The following HCRTR2 variants were observed in gnomAD, a reference collection of about 807,000 sequenced individuals.
HCRTR2 encodes hypocretin receptor 2.
HCRTR2 carries 22 observed loss-of-function variants against 49.0 expected under a neutral mutation model. The ratio of observed to expected loss-of-function variants is 0.45; its 90% CI spans 0.32 to 0.64. The LOEUF is 0.64. Among genes scored for constraint, HCRTR2 ranks in the 30% least tolerant of loss-of-function variants. The pLI is 0.04. For synonymous variants in HCRTR2, 236 were observed against 205.3 expected (o/e 1.15, Z -1.28); for missense variants, 491 against 559.4 (o/e 0.88, Z 1.23).
At chr6:55,153,130 C>G (rs1764685015) in intron 1 of HCRTR2, among the ~76,000 whole-genome samples, 2 of 151,976 alleles carry the variant, frequency 1.3e-5, no homozygotes, top group African/African-American at 2.4e-5. Context: ...GTTTTCACAG[C>G]ACTGCTTGTT....
At chr6:55,206,042 G>A (rs1765595341) in intron 1 of HCRTR2, among the ~76,000 whole-genome samples, 2 of 151,934 alleles carry the variant, frequency 1.3e-5, no homozygotes, top group African/African-American at 2.4e-5. Flanking sequence ...AATGTTTACT[G>A]ACTCTTTTAT....
chr6:55,185,759 C>A (rs1021336718), intron 1 of HCRTR2, among the ~76,000 whole-genome samples: 1 of 152,106 alleles, frequency 6.6e-6, no homozygotes, highest in African/African-American at 2.4e-5. Context: ...TGAATAAGTC[C>A]TTGAATTAAC....
At chr6:55,115,654 G>A (rs978024030) in intron 1 of HCRTR2, among the ~76,000 whole-genome samples, 1 of 151,466 alleles carries the variant, frequency 6.6e-6, no homozygotes, top group Admixed American at 6.6e-5. Flanking sequence ...TGTTGTTATT[G>A]TTATTCCATA....
At chr6:55,270,491 A>G (rs1160983088) in intron 4 of HCRTR2, among the ~76,000 whole-genome samples, 1 of 152,190 alleles carries the variant, frequency 6.6e-6, no homozygotes, top group Non-Finnish European at 1.5e-5. Flanking sequence ...CATGTAGTAC[A>G]GGTTAAGCAT....
In HCRTR2 at chr6:55,174,618, C is replaced by A. The variant is rs41271312; in HGVS notation, c.31C>A (p.Pro11Thr). The change falls in exon 1 of 7, where the codon CCT becomes ACT. Residue 11 changes from proline (P) to threonine (T), a missense_variant. Coordinates refer to ENST00000370862, the MANE Select transcript of HCRTR2 (RefSeq NM_001384272.1). Reference protein sequence around the residue: MSGTKLEDSPPCRNWSSASEL... With the variant: MSGTKLEDSPTCRNWSSASEL... ...CGGCACCAAATTGGAGGACTCCCCC[C>A]CTTGTCGCAACTGGTCATCTGCTTC... The A allele has an allele frequency of 7.2e-3, 11,586 of 1,614,056 alleles. 49 individuals carry two copies. The highest frequency in any genetic ancestry group is 8.8e-3 in the Non-Finnish European group (10,347 of 1,179,970).
At chr6:55,274,756 A>G (rs1289051239) in intron 4 of HCRTR2, among the ~76,000 whole-genome samples, 1 of 152,282 alleles carries the variant, frequency 6.6e-6, no homozygotes, top group East Asian at 1.9e-4. Flanking sequence ...ACATATTTTT[A>G]AAGAGATTTT....
intron 1 of HCRTR2, among the ~76,000 whole-genome samples, chr6:55,210,824 C>A (rs1160503514): frequency 1.3e-5 from 2 of 152,110 alleles, no homozygotes; most frequent in East Asian, 3.9e-4. Flanking sequence ...TGGGTACAAT[C>A]TGATTTTATT....
intron 1 of HCRTR2, among the ~76,000 whole-genome samples, chr6:55,146,598 T>C (rs1404275927): frequency 3.5e-5 from 4 of 113,994 alleles, no homozygotes; most frequent in Admixed American, 2.7e-4. Context: ...AAAAACAAGC[T>C]TTTTTTTTCT....
At position 55,228,573 on chromosome 6, in the gene HCRTR2, T is replaced by C. The variant is rs545720253; in HGVS notation, c.224-20066T>C. Among the ~76,000 whole-genome samples the C allele has an allele frequency of 5.9e-5, 9 of 152,272 alleles. 1 individual carries two copies. The South Asian group carries it at 1.9e-3, about 32-fold the overall frequency. ...TCAATAATAATGTCAGTAGACATTC[T>C]AAATAAATAAAAAATATCCAATAAC... On this transcript the variant is annotated intron_variant, in intron 1 of 6. Transcript: ENST00000370862.
At chr6:55,110,978 A>G (rs1764041265) in intron 1 of HCRTR2, among the ~76,000 whole-genome samples, 1 of 152,130 alleles carries the variant, frequency 6.6e-6, no homozygotes, top group Non-Finnish European at 1.5e-5. Context: ...ATAGGTCACT[A>G]AACAAGTTTC....
intron 1 of HCRTR2, among the ~76,000 whole-genome samples, chr6:55,188,103 C>G (rs544652846): frequency 5.3e-5 from 8 of 152,226 alleles, no homozygotes; most frequent in African/African-American, 1.9e-4. Context: ...CTTGTGTTCC[C>G]CACTTCCATT....
intron 4 of HCRTR2, among the ~76,000 whole-genome samples, chr6:55,264,601 T>A (rs1766828936): frequency 6.6e-6 from 1 of 152,044 alleles, no homozygotes; most frequent in African/African-American, 2.4e-5. Flanking sequence ...AAACCATATC[T>A]AATACAGGAA....
intron 1 of HCRTR2, among the ~76,000 whole-genome samples, chr6:55,168,816 C>T (rs1047997721): frequency 6.6e-6 from 1 of 152,136 alleles, no homozygotes. Context: ...ATAAAATCTT[C>T]CTCCTAGATT....
rs1222975428 is a variant in HCRTR2, at chr6:55,248,802, G to T, written c.387G>T (p.Val129=). The change falls in exon 2 of 7, where the codon GTG becomes GTT. Residue 129 remains valine, a synonymous_variant. Coordinates refer to ENST00000370862, the MANE Select transcript of HCRTR2 (RefSeq NM_001384272.1). The part of the protein sequence containing the change: ...TWFFGQSLCK[V]IPYLQTVSVS... ...TTTTTGGACAGTCCCTTTGCAAAGT[G>T]ATTCCTTATCTACAGGTAATTGTTT... The T allele has an allele frequency of 1.2e-6, 2 of 1,613,100 alleles. No homozygotes were observed. The highest frequency in any genetic ancestry group is 1.7e-6 in the Non-Finnish European group (2 of 1,179,250).
chr6:55,265,228 T>A (rs1160141050), intron 4 of HCRTR2, among the ~76,000 whole-genome samples: 2 of 152,126 alleles, frequency 1.3e-5, no homozygotes, highest in African/African-American at 4.8e-5. Flanking sequence ...TTCTCAGCAC[T>A]CTCCACCTCC....
chr6:55,280,606 T>C, intron 6 of HCRTR2, 162 bp downstream of exon 6: 1 of 350,042 alleles, frequency 2.9e-6, no homozygotes, highest in South Asian at 1.2e-4. Context: ...AAAGTATTTG[T>C]TACTGAACTC....
intron 3 of HCRTR2, among the ~76,000 whole-genome samples, chr6:55,256,828 AAC>A (rs1410162853): frequency 6.6e-6 from 1 of 152,156 alleles, no homozygotes; most frequent in African/African-American, 2.4e-5. Context: ...CCTGGAGAGA[AAC>A]AGACTCTGCT....
upstream of HCRTR2, among the ~76,000 whole-genome samples, chr6:55,171,422 G>A (rs576766412): frequency 2.0e-5 from 3 of 152,166 alleles, no homozygotes; most frequent in African/African-American, 7.2e-5. Context: ...AGAAATATTT[G>A]AATTGAAGAG....
intron 1 of HCRTR2, among the ~76,000 whole-genome samples, chr6:55,123,379 A>G (rs1368990281): frequency 6.6e-6 from 1 of 152,068 alleles, no homozygotes; most frequent in Non-Finnish European, 1.5e-5. Context: ...ATCTTTTGAG[A>G]TAATCATGTG....
Sources: allele counts gnomAD v4.1 joint callset (sites outside exome capture counted in the v4.1 genomes callset), GRCh38; gene constraint gnomAD v4.1.1; transcripts MANE v1.5; gene names NCBI Gene and HGNC (gene_info 2026-07-23, HGNC 2026-07-21).